MYO5C: variants seen among roughly 807,000 people sequenced by gnomAD.
The protein encoded by MYO5C is unconventional myosin-Vc.
In MYO5C, 194 loss-of-function variants were observed where a neutral mutation model predicts 235.7. That is an observed-to-expected ratio of 0.82 (90% confidence interval 0.73 to 0.93). MYO5C has a LOEUF of 0.93. Ranked by LOEUF, MYO5C falls within the 40% of genes least tolerant of loss-of-function variation. The probability of loss-of-function intolerance (pLI) is 0.00; values close to 1 mark genes in which losing one functional copy is unlikely to be tolerated. For missense variants in MYO5C, 2,038 were observed against 2,127.2 expected, an observed-to-expected ratio of 0.96 and a Z score of 0.82; for synonymous variants, 707 against 754.8, an observed-to-expected ratio of 0.94 and a Z score of 1.04.
At chr15:52,273,656 T>C (rs1410123274) in intron 5 of MYO5C, among the ~76,000 whole-genome samples, 1 of 152,154 alleles carries the variant, frequency 6.6e-6, no homozygotes, top group Non-Finnish European at 1.5e-5. Flanking sequence ...ACCTGACCCC[T>C]GCTAGCCCCC....
At chr15:52,292,451 G>C (rs1025448440) in intron 1 of MYO5C, among the ~76,000 whole-genome samples, 1 of 152,196 alleles carries the variant, frequency 6.6e-6, no homozygotes, top group Non-Finnish European at 1.5e-5. Flanking sequence ...CAACTTACCT[G>C]ACCTGAGCCA....
rs757656114 is a variant in MYO5C, at chr15:52,194,036, C to T, written c.5095G>A (p.Glu1699Lys). ...TCCAACATCAGCTGTGATGAATCCT[C>T]CCGGCTATTTAGGAGAGCCTGAAAT... ...RKVQALLNSREDSSQLMLDTK... is the reference protein window; with the variant it reads ...RKVQALLNSRKDSSQLMLDTK... Residue 1699 changes from glutamate (E) to lysine (K), a missense_variant, in exon 41 of 41, where the codon GAG (glutamate) becomes AAG (lysine). Coordinates refer to ENST00000261839, the MANE Select transcript of MYO5C (RefSeq NM_018728.4). 36 of 1,612,818 alleles carry T rather than the reference C, an allele frequency of 2.2e-5. No individual in the cohort carries two copies. The highest frequency in any genetic ancestry group is 3.1e-5 in the Non-Finnish European group (36 of 1,179,710).
At chr15:52,264,063 T>TC in intron 9 of MYO5C, 127 bp downstream of exon 9, 1 of 642,242 alleles carries the variant, frequency 1.6e-6, no homozygotes, top group Non-Finnish European at 2.7e-6. Context: ...GCCGCCTGCC[T>TC]CCTGTTAAAC....
At chr15:52,272,077 A>G (rs1340849801) in intron 6 of MYO5C, among the ~76,000 whole-genome samples, 9 of 152,212 alleles carry the variant, frequency 5.9e-5, no homozygotes. Flanking sequence ...AAAACGTCCT[A>G]TGAAATGGGA....
intron 2 of MYO5C, among the ~76,000 whole-genome samples, chr15:52,280,217 G>T (rs143384618): frequency 4.5e-4 from 68 of 152,326 alleles, no homozygotes; most frequent in African/African-American, 1.5e-3. Context: ...CCATGCAGGT[G>T]GTGGTCTCTC....
Position 52,269,971 on chromosome 15 carries a change from C to G in MYO5C, c.833-111G>C, listed in dbSNP as rs910298385. 6.6e-6 allele frequency: 5 copies of G among 753,366 alleles called. No homozygotes were observed. The African/African-American group carries it at 7.0e-5, about 10-fold the overall frequency. 46.7% of individuals were successfully genotyped at this position (753,366 alleles called of 1,614,324 possible). On this transcript the variant is annotated intron_variant, in intron 7 of 40. Coordinates refer to ENST00000261839, the MANE Select transcript of MYO5C (RefSeq NM_018728.4). The stretch of plus-strand genomic sequence containing the variant: ...AAAGAACTGTGTCATGCACTTTACA[C>G]AGTTTATTCCATTTATTCCTTAGAA...
At chr15:52,268,536 G>A (rs996617480) in intron 8 of MYO5C, among the ~76,000 whole-genome samples, 7 of 151,722 alleles carry the variant, frequency 4.6e-5, no homozygotes, top group African/African-American at 1.7e-4. Flanking sequence ...TGGCGACAGT[G>A]TAAGATTCTG....
intron 32 of MYO5C, among the ~76,000 whole-genome samples, chr15:52,215,216 G>A (rs556134833): frequency 9.8e-5 from 15 of 152,292 alleles, no homozygotes; most frequent in African/African-American, 3.4e-4. Flanking sequence ...ATGAATGTGG[G>A]AAAATGGGCT....
intron 31 of MYO5C, among the ~76,000 whole-genome samples, chr15:52,218,971 C>T (rs535066692): frequency 1.3e-5 from 2 of 152,290 alleles, no homozygotes; most frequent in East Asian, 3.9e-4. Flanking sequence ...ATGGGACATC[C>T]ACGCCCACCA....
At chr15:52,293,376 G>A (rs1181052016) in intron 1 of MYO5C, among the ~76,000 whole-genome samples, 1 of 152,154 alleles carries the variant, frequency 6.6e-6, no homozygotes, top group African/African-American at 2.4e-5. Context: ...TCAGTGTCTT[G>A]TTGGCTTCAG....
intron 39 of MYO5C, among the ~76,000 whole-genome samples, chr15:52,195,773 A>G (rs191347176): frequency 3.8e-4 from 58 of 151,662 alleles, no homozygotes; most frequent in Non-Finnish European, 6.8e-4. Flanking sequence ...CATCATAGAC[A>G]TTTGTGTATA....
chr15:52,202,494 T>C (rs547540001), intron 38 of MYO5C, among the ~76,000 whole-genome samples: 3 of 152,298 alleles, frequency 2.0e-5, no homozygotes, highest in South Asian at 4.1e-4. Context: ...CCTGGAGTCA[T>C]GTGTCTCCCT....
Position 52,223,738 on chromosome 15 carries a change from G to C in MYO5C, c.3447-14C>G. On this transcript the variant is annotated splice_polypyrimidine_tract_variant and intron_variant, in intron 28 of 40. Transcript: ENST00000261839. ...CTCTCCAAAACACTATTAAAGGAGG[G>C]GTCAAGAAATAAACCACATGGCCTT... The C allele has an allele frequency of 6.2e-7, 1 of 1,607,536 alleles. No individual in the cohort carries two copies. The highest frequency in any genetic ancestry group is 8.5e-7 in the Non-Finnish European group (1 of 1,176,554).
intron 21 of MYO5C, among the ~76,000 whole-genome samples, chr15:52,238,214 T>C (rs2036132732): frequency 6.6e-6 from 1 of 152,140 alleles, no homozygotes; most frequent in Admixed American, 6.5e-5. Context: ...CCTCCAAAAC[T>C]GTAAGACACT....
chr15:52,285,583 G>C (rs1161173402), intron 1 of MYO5C, among the ~76,000 whole-genome samples: 1 of 152,144 alleles, frequency 6.6e-6, no homozygotes, highest in Non-Finnish European at 1.5e-5. Context: ...CAACCTCCCT[G>C]CCTGATTCTC....
intron 34 of MYO5C, among the ~76,000 whole-genome samples, chr15:52,212,287 C>T (rs1016782323): frequency 6.6e-6 from 1 of 152,162 alleles, no homozygotes; most frequent in Non-Finnish European, 1.5e-5. Flanking sequence ...GGAAAGCAGG[C>T]ACACCCAGTG....
At chr15:52,241,250 CTTTTTTTTTTTTTTTTTT>C (rs71130143) in intron 20 of MYO5C, among the ~76,000 whole-genome samples, 1 of 59,578 alleles carries the variant, frequency 1.7e-5, no homozygotes. Context: ...GTGGGCTAAT[CTTTTTTTTTTTTTTTTTT>C]TTTTTTTTTG....
intron 15 of MYO5C, among the ~76,000 whole-genome samples, 199 bp downstream of exon 15, chr15:52,247,259 G>A (rs1478265107): frequency 1.3e-5 from 2 of 152,198 alleles, no homozygotes; most frequent in Non-Finnish European, 2.9e-5. Context: ...GTGCAAGAGC[G>A]TGGTTTGCTC....
At chr15:52,197,489 G>A (rs929634701) in intron 38 of MYO5C, among the ~76,000 whole-genome samples, 31 of 152,326 alleles carry the variant, frequency 2.0e-4, no homozygotes, top group African/African-American at 5.8e-4. Flanking sequence ...GCAGGGTAGG[G>A]AGTTGGGGTG....
Sources: allele counts gnomAD v4.1 joint callset (sites outside exome capture counted in the v4.1 genomes callset), GRCh38; gene constraint gnomAD v4.1.1; transcripts MANE v1.5; gene names NCBI Gene and HGNC (gene_info 2026-07-23, HGNC 2026-07-21).